PKIB: variants seen among roughly 807,000 people sequenced by gnomAD.
The protein encoded by PKIB is PKI-beta.
A neutral mutation model predicts 4.5 loss-of-function variants in PKIB; 2 were observed. That is an observed-to-expected ratio of 0.44 (90% CI 0.18 to 1.39). The LOEUF (loss-of-function observed/expected upper bound fraction) is 1.39, where lower values mean the gene tolerates loss of function less well. PKIB is among the 40% of genes most tolerant of loss of function. The probability of loss-of-function intolerance (pLI) is 0.27; values close to 1 mark genes in which losing one functional copy is unlikely to be tolerated. For missense variants in PKIB, 94 were observed against 92.6 expected (o/e 1.02, Z -0.06); for synonymous variants, 38 against 36.0 (o/e 1.06, Z -0.20).
At chr6:122,539,198 G>T (rs1349506375) in intron 2 of PKIB, among the ~76,000 whole-genome samples, 3 of 151,962 alleles carry the variant, frequency 2.0e-5, no homozygotes, top group Admixed American at 1.3e-4. Context: ...AATTGCCCTG[G>T]CCAGAACTTC....
At chr6:122,505,307 T>A (rs1215404867) in intron 2 of PKIB, among the ~76,000 whole-genome samples, 1 of 152,208 alleles carries the variant, frequency 6.6e-6, no homozygotes, top group Non-Finnish European at 1.5e-5. Flanking sequence ...GCTTTCCTCC[T>A]CAGAGGCCTC....
chr6:122,538,504 T>A (rs199989726), intron 2 of PKIB, among the ~76,000 whole-genome samples: 6 of 152,106 alleles, frequency 3.9e-5, no homozygotes, highest in Non-Finnish European at 4.4e-5. Context: ...CGTGGCATTA[T>A]TTCTGAGGGC....
chr6:122,547,876 C>G (rs1253386185), intron 2 of PKIB, among the ~76,000 whole-genome samples: 1 of 118,866 alleles, frequency 8.4e-6, no homozygotes, highest in South Asian at 3.5e-4. Context: ...TGGAGTTATG[C>G]GTCTGTGCTC....
intron 3 of PKIB, among the ~76,000 whole-genome samples, chr6:122,704,772 A>G (rs575240317): frequency 1.4e-3 from 209 of 149,868 alleles, no homozygotes; most frequent in African/African-American, 4.9e-3. Flanking sequence ...AGAGAGATTA[A>G]ATATAGCAAA....
At chr6:122,505,212 G>A (rs1294993886) in intron 2 of PKIB, among the ~76,000 whole-genome samples, 1 of 152,152 alleles carries the variant, frequency 6.6e-6, no homozygotes, top group African/African-American at 2.4e-5. Context: ...ATGTTTTAAA[G>A]GAGTATCTTT....
intron 4 of PKIB, among the ~76,000 whole-genome samples, chr6:122,722,602 G>C (rs1330564786): frequency 6.6e-6 from 1 of 152,128 alleles, no homozygotes; most frequent in Non-Finnish European, 1.5e-5. Flanking sequence ...AAATAATTTA[G>C]TGTTTTGTAT....
intron 1 of PKIB, among the ~76,000 whole-genome samples, chr6:122,630,091 A>AT (rs954748021): frequency 1.3e-5 from 2 of 151,580 alleles, no homozygotes; most frequent in East Asian, 3.9e-4. Context: ...CTATCTTCAA[A>AT]TTTTTTTTTG....
At chr6:122,527,235 C>T (rs1335672825) in intron 2 of PKIB, among the ~76,000 whole-genome samples, 1 of 152,036 alleles carries the variant, frequency 6.6e-6, no homozygotes, top group Non-Finnish European at 1.5e-5. Context: ...AACTGTTTTC[C>T]TTTCAGTAAG....
intron 3 of PKIB, among the ~76,000 whole-genome samples, chr6:122,586,917 C>G (rs188446839): frequency 1.2e-3 from 177 of 152,240 alleles, no homozygotes; most frequent in Non-Finnish European, 2.2e-3. Flanking sequence ...CTGCCTCCAC[C>G]TGGGTGGGGT....
At chr6:122,546,271 G>T (rs534548910) in intron 2 of PKIB, among the ~76,000 whole-genome samples, 1 of 152,024 alleles carries the variant, frequency 6.6e-6, no homozygotes, top group African/African-American at 2.4e-5. Flanking sequence ...TAGCATGAGG[G>T]ACTCTTGGTT....
intron 1 of PKIB, among the ~76,000 whole-genome samples, chr6:122,623,964 A>G (rs1201627585): frequency 6.6e-6 from 1 of 152,142 alleles, no homozygotes; most frequent in African/African-American, 2.4e-5. Flanking sequence ...ATTCTTTGTG[A>G]CAAGAATTCA....
chr6:122,666,212 T>C (rs181846762), intron 2 of PKIB, among the ~76,000 whole-genome samples: 53 of 152,300 alleles, frequency 3.5e-4, no homozygotes, highest in Admixed American at 6.5e-4. Context: ...CCCAGTGCAC[T>C]CACCATCGAC....
intron 1 of PKIB, among the ~76,000 whole-genome samples, chr6:122,611,324 G>T (rs1409391104): frequency 1.3e-5 from 2 of 152,196 alleles, no homozygotes; most frequent in African/African-American, 2.4e-5. Flanking sequence ...TCTTCGTAGA[G>T]CTCCCCGGGG....
At chr6:122,495,266 T>C (rs1776044873) in intron 2 of PKIB, among the ~76,000 whole-genome samples, 1 of 152,166 alleles carries the variant, frequency 6.6e-6, no homozygotes. Flanking sequence ...GTGTATCACA[T>C]GCCCTACAGT....
chr6:122,538,606 G>C lies in PKIB; in HGVS notation c.-247-47315G>C, dbSNP rs999232407. ...GCCTTGTAGTATAGTTTGAAGTCAG[G>C]TAGCATGATGCCTCCGGCTTTGTTC... On this transcript the variant is annotated intron_variant, in intron 2 of 6. Transcript: ENST00000392491. 5.9e-5 allele frequency among the ~76,000 whole-genome samples: 9 copies of C among 152,046 alleles called. No homozygotes were observed. The East Asian group carries it at 1.5e-3, about 26-fold the overall frequency.
intron 2 of PKIB, among the ~76,000 whole-genome samples, chr6:122,661,196 TA>T (rs1033698756): frequency 6.0e-4 from 91 of 152,070 alleles, no homozygotes; most frequent in African/African-American, 1.8e-3. Flanking sequence ...TTATTTAACT[TA>T]AAAAAAACTT....
chr6:122,511,262 G>A (rs1053844429), intron 2 of PKIB, among the ~76,000 whole-genome samples: 1 of 151,972 alleles, frequency 6.6e-6, no homozygotes, highest in African/African-American at 2.4e-5. Context: ...TCTGTTTTTG[G>A]AACCAAGCAC....
At chr6:122,552,663 C>T (rs1772711979) in intron 2 of PKIB, among the ~76,000 whole-genome samples, 1 of 152,126 alleles carries the variant, frequency 6.6e-6, no homozygotes, top group Admixed American at 6.5e-5. Context: ...CAGGCACGAG[C>T]CACCACACCC....
rs566410949 is a variant in PKIB, at chr6:122,632,636, A to T, written c.-160-647A>T. ...GCAAGTTGATTGGCTACCTATTCAT[A>T]GCAAAATGTTAGATTACCTCTAGAT... On this transcript the variant is annotated intron_variant, in intron 1 of 4. Transcript: ENST00000368452. Among the ~76,000 whole-genome samples, 5 of 152,344 alleles carry T rather than the reference A, an allele frequency of 3.3e-5. No homozygotes were observed. In the South Asian group the frequency reaches 1.0e-3, roughly 32 times the overall value.
Sources: allele counts gnomAD v4.1 joint callset (sites outside exome capture counted in the v4.1 genomes callset), GRCh38; gene constraint gnomAD v4.1.1; transcripts MANE v1.5; gene names NCBI Gene and HGNC (gene_info 2026-07-23, HGNC 2026-07-21).